Variants in BLTP3B observed in about 807,000 individuals in gnomAD.
BLTP3B encodes the protein bridge-like lipid transfer protein family member 3B, also known as UHRF1 (ICBP90) binding protein 1-like.
the BLTP3B span, chr12:100,059,759 A>G: frequency 7.6e-7 from 1 of 1,318,746 alleles, no homozygotes; most frequent in Non-Finnish European, 1.0e-6. Flanking sequence ...ACATAACATG[A>G]ATTAATAATC....
chr12:100,106,132 T>C, the BLTP3B span, among the ~76,000 whole-genome samples: 6 of 152,156 alleles, frequency 3.9e-5, no homozygotes, highest in Non-Finnish European at 5.9e-5. Context: ...ACAACCTCAA[T>C]AGAAAACAGT....
the BLTP3B span, among the ~76,000 whole-genome samples, chr12:100,081,556 C>A: frequency 6.6e-6 from 1 of 152,178 alleles, no homozygotes; most frequent in Non-Finnish European, 1.5e-5. Flanking sequence ...TTTCAATCCT[C>A]ACCCTTCCCC....
At chr12:100,058,583 C>A in the BLTP3B span, 1 of 1,613,434 alleles carries the variant, frequency 6.2e-7, no homozygotes, top group East Asian at 2.2e-5. Flanking sequence ...TTTCTGTAGG[C>A]AAATAATCAG....
chr12:100,110,785 AGAT>A, the BLTP3B span, among the ~76,000 whole-genome samples: 5 of 152,150 alleles, frequency 3.3e-5, no homozygotes, highest in Non-Finnish European at 7.4e-5. Flanking sequence ...GACAGGAGGG[AGAT>A]GATATAAAGT....
chr12:100,047,945 T>C, the BLTP3B span: 1 of 1,475,928 alleles, frequency 6.8e-7, no homozygotes. Flanking sequence ...TAACATACTT[T>C]TAAATTTATT....
chr12:100,089,099 A>C, the BLTP3B span: 1 of 1,500,624 alleles, frequency 6.7e-7, no homozygotes, highest in Non-Finnish European at 8.9e-7. Context: ...TAGAGCTCTA[A>C]AAAGATTCGA....
the BLTP3B span, among the ~76,000 whole-genome samples, chr12:100,107,467 C>T: frequency 7.9e-5 from 12 of 151,392 alleles, no homozygotes; most frequent in Admixed American, 6.6e-4. Flanking sequence ...AACCCCATCT[C>T]TACTAAAATA....
At chr12:100,068,884 C>T in the BLTP3B span, among the ~76,000 whole-genome samples, 8 of 152,162 alleles carry the variant, frequency 5.3e-5, no homozygotes, top group East Asian at 9.7e-4. Context: ...ACTTCCACAC[C>T]GCTGGTGGGA....
At chr12:100,044,330 A>T in the BLTP3B span, among the ~76,000 whole-genome samples, 1 of 152,098 alleles carries the variant, frequency 6.6e-6, no homozygotes, top group South Asian at 2.1e-4. Flanking sequence ...CTATATCTGA[A>T]ATTGTCCTGT....
the BLTP3B span, among the ~76,000 whole-genome samples, chr12:100,125,604 C>T: frequency 2.0e-5 from 3 of 152,104 alleles, no homozygotes; most frequent in Admixed American, 6.6e-5. Context: ...GCTGTGATCA[C>T]GCCATAGCAC....
chr12:100,082,887 C>A, the BLTP3B span: 5 of 630,936 alleles, frequency 7.9e-6, no homozygotes, highest in Non-Finnish European at 1.3e-5. Flanking sequence ...TTTTCTATGC[C>A]ATCTAATATG....
chr12:100,141,512 T>C, the BLTP3B span, among the ~76,000 whole-genome samples: 1 of 152,126 alleles, frequency 6.6e-6, no homozygotes, highest in African/African-American at 2.4e-5. Flanking sequence ...TTATTCAGTA[T>C]TATAAGTGAG....
the BLTP3B span, among the ~76,000 whole-genome samples, chr12:100,061,025 CA>C: frequency 7.1e-4 from 108 of 151,786 alleles, no homozygotes; most frequent in African/African-American, 2.6e-3. Context: ...ACAAAGAAAA[CA>C]AAAAAATAGG....
At chr12:100,040,452 C>T in the BLTP3B span, among the ~76,000 whole-genome samples, 3 of 152,138 alleles carry the variant, frequency 2.0e-5, no homozygotes, top group South Asian at 2.1e-4. Context: ...GAGGCCAAGA[C>T]GGGTGGATCA....
At chr12:100,096,666 T>A in the BLTP3B span, among the ~76,000 whole-genome samples, 1 of 150,062 alleles carries the variant, frequency 6.7e-6, no homozygotes, top group East Asian at 2.0e-4. Context: ...AAAAAAAAAA[T>A]AAAAATAAGC....
the BLTP3B span, chr12:100,108,540 T>C: frequency 6.2e-7 from 1 of 1,605,366 alleles, no homozygotes; most frequent in Non-Finnish European, 8.5e-7. Context: ...AGATAAATTT[T>C]TGGTAAATCT....
the BLTP3B span, among the ~76,000 whole-genome samples, chr12:100,132,129 C>G: frequency 6.6e-6 from 1 of 152,008 alleles, no homozygotes; most frequent in Non-Finnish European, 1.5e-5. Flanking sequence ...CCTAAGCATA[C>G]AATATGCAGA....
At chr12:100,060,288 T>C in the BLTP3B span, among the ~76,000 whole-genome samples, 1 of 152,128 alleles carries the variant, frequency 6.6e-6, no homozygotes, top group Non-Finnish European at 1.5e-5. Context: ...CATATAAATA[T>C]ATAAAACACA....
the BLTP3B span, among the ~76,000 whole-genome samples, chr12:100,117,443 A>G: frequency 6.6e-6 from 1 of 152,120 alleles, no homozygotes; most frequent in Non-Finnish European, 1.5e-5. Flanking sequence ...TACACTAGTG[A>G]CTTCAGAATT....
Sources: gnomAD v4.1 joint callset for allele counts (sites outside exome capture counted in the v4.1 genomes callset) on GRCh38, gnomAD v4.1.1 for gene constraint, MANE v1.5 for transcripts, NCBI Gene and HGNC (gene_info 2026-07-23, HGNC 2026-07-21) for gene names.